ARHGAP42: variants seen among roughly 807,000 people sequenced by gnomAD.
ARHGAP42 encodes the protein rho GTPase-activating protein 42.
ARHGAP42 carries 63 observed loss-of-function variants against 125.0 expected under a neutral mutation model. The observed-to-expected ratio is 0.50, with a 90% CI of 0.41 to 0.62. The LOEUF (loss-of-function observed/expected upper bound fraction) is 0.62, where lower values mean the gene tolerates loss of function less well. ARHGAP42 is among the 20% of genes least tolerant of loss of function. The probability of loss-of-function intolerance (pLI) is 0.00; values close to 1 mark genes in which losing one functional copy is unlikely to be tolerated. For synonymous variants in ARHGAP42, 339 were observed against 351.0 expected, an observed-to-expected ratio of 0.97 and a Z score of 0.38; for missense variants, 766 against 1,024.2, an observed-to-expected ratio of 0.75 and a Z score of 3.44.
intron 21 of ARHGAP42, among the ~76,000 whole-genome samples, chr11:100,977,621 A>G (rs1858426399): frequency 6.6e-6 from 1 of 152,158 alleles, no homozygotes; most frequent in South Asian, 2.1e-4. Flanking sequence ...TCTCCCTTTC[A>G]TTTTGTTTTC....
intron 1 of ARHGAP42, among the ~76,000 whole-genome samples, chr11:100,742,014 A>AG (rs1862197871): frequency 6.6e-6 from 1 of 152,204 alleles, no homozygotes; most frequent in South Asian, 2.1e-4. Context: ...GGCAATAAAA[A>AG]GCCAAAGGCA....
chr11:100,892,689 A>G (rs917885039), intron 4 of ARHGAP42, among the ~76,000 whole-genome samples: 13 of 152,322 alleles, frequency 8.5e-5, no homozygotes, highest in Non-Finnish European at 1.3e-4. Flanking sequence ...GTCAGTAACC[A>G]TAATTTCCAA....
intron 6 of ARHGAP42, among the ~76,000 whole-genome samples, chr11:100,931,415 G>A (rs1041953376): frequency 6.6e-6 from 1 of 152,188 alleles, no homozygotes; most frequent in East Asian, 1.9e-4. Context: ...GAAAATATCA[G>A]TGTGTTTTGT....
In ARHGAP42 at chr11:100,705,035, AG is replaced by A. The variant is rs1258230207; in HGVS notation, c.154+17204del. Among the ~76,000 whole-genome samples the A allele has an allele frequency of 7.7e-3, 480 of 62,074 alleles. 1 individual carries two copies. Among genetic ancestry groups the A allele is most frequent in the African/African-American group, 0.03 (458 of 15,506 alleles). 40.7% of individuals were successfully genotyped at this position (62,074 alleles called of 152,430 possible). On this transcript the variant is annotated intron_variant, in intron 1 of 23. Transcript: ENST00000298815. ...CAACAAAAAAAAAAAAAAAAAAAAG[AG>A]AGAAGAAAAGAAAAAGAAAGACACT...
chr11:100,987,704 T>C (rs114855249), intron 23 of ARHGAP42, 112 bp downstream of exon 23: 14,078 of 962,090 alleles, frequency 0.015, 548 homozygotes, highest in African/African-American at 0.12. Flanking sequence ...TTATCCCATG[T>C]CCTGCCTCTC....
chr11:100,977,452 A>G (rs190389206), intron 21 of ARHGAP42, among the ~76,000 whole-genome samples: 13 of 152,314 alleles, frequency 8.5e-5, no homozygotes, highest in Non-Finnish European at 5.9e-5. Context: ...AGAATGAGGA[A>G]TATGCAAGGC....
chr11:100,709,561 A>G (rs1369056307), intron 1 of ARHGAP42, among the ~76,000 whole-genome samples: 2 of 151,946 alleles, frequency 1.3e-5, no homozygotes, highest in African/African-American at 4.9e-5. Context: ...AATATTTCAG[A>G]CCTCAGTTGA....
intron 10 of ARHGAP42, among the ~76,000 whole-genome samples, chr11:100,945,615 A>G (rs1867995559): frequency 6.6e-6 from 1 of 152,094 alleles, no homozygotes; most frequent in East Asian, 1.9e-4. Context: ...CTCCATTTAA[A>G]TCTCTATCAG....
rs367927714 is a variant in ARHGAP42 at position 100,974,827 on chromosome 11, G to A, written c.1855+224G>A. Among the ~76,000 whole-genome samples the A allele has an allele frequency of 1.5e-4, 23 of 152,128 alleles. 1 individual carries two copies. In the East Asian group the frequency reaches 3.9e-3, roughly 26 times the overall value. On this transcript the variant is annotated intron_variant, in intron 19 of 23. Coordinates refer to ENST00000298815, the MANE Select transcript of ARHGAP42 (RefSeq NM_152432.4). The stretch of plus-strand genomic sequence containing the variant: ...GGAAAAAAAGAAAAAAGGGCTCAAG[G>A]CCCTTTTTTCTGCAACTGTGATTAA...
chr11:100,866,976 T>C (rs1309124759), intron 4 of ARHGAP42, among the ~76,000 whole-genome samples: 1 of 152,168 alleles, frequency 6.6e-6, no homozygotes, highest in East Asian at 1.9e-4. Flanking sequence ...ATCAGGTAAA[T>C]TGGCAATGAG....
intron 11 of ARHGAP42, 123 bp from the exon 12 acceptor site, chr11:100,949,794 G>C: frequency 1.9e-6 from 1 of 513,648 alleles, no homozygotes; most frequent in Admixed American, 4.1e-5. Context: ...TGTGGACACA[G>C]CAGTTGTAGG....
chr11:100,851,091 A>G (rs1865194425), intron 3 of ARHGAP42, among the ~76,000 whole-genome samples: 1 of 151,888 alleles, frequency 6.6e-6, no homozygotes, highest in Non-Finnish European at 1.5e-5. Context: ...CATGTTGGCC[A>G]GGCTGGTCTT....
Position 100,974,477 on chromosome 11 carries a change from G to A in ARHGAP42, c.1729G>A (p.Asp577Asn). 1 of 1,549,562 alleles carries A rather than the reference G, an allele frequency of 6.5e-7. No individual in the cohort carries two copies. The highest frequency in any genetic ancestry group is 8.7e-7 in the Non-Finnish European group (1 of 1,146,526). ...HYEKIFHTAP[D>N]PSIPLPQPQS... is the part of the protein sequence containing the mutation. ...TACGTAGATTTTTCATACTGCTCCA[G>A]ACCCAAGCATTCCTCTTCCTCAGCC... The change falls in exon 19 of 24, where the codon GAC (aspartate) becomes AAC (asparagine). Residue 577 changes from aspartate to asparagine, a missense_variant. Transcript: ENST00000298815.
chr11:100,877,498 T>G (rs1865848600), intron 4 of ARHGAP42, among the ~76,000 whole-genome samples: 1 of 152,230 alleles, frequency 6.6e-6, no homozygotes, highest in Admixed American at 6.5e-5. Context: ...CAGTAGCATT[T>G]CATGCTTGTA....
chr11:100,977,431 C>G (rs1174740937), intron 21 of ARHGAP42, among the ~76,000 whole-genome samples: 1 of 152,118 alleles, frequency 6.6e-6, no homozygotes, highest in Non-Finnish European at 1.5e-5. Context: ...CTGATTTAAA[C>G]AAGCTAGTAG....
rs1280408358 is a variant in ARHGAP42, at chr11:100,962,421, A to T, written c.1398A>T (p.Glu466Asp). Residue 466 changes from glutamate to aspartate, a missense_variant, in exon 16 of 24, where the codon GAA (glutamate) becomes GAT (aspartate). Coordinates refer to ENST00000298815, the MANE Select transcript of ARHGAP42 (RefSeq NM_152432.4). ...TTCTCTGTTGTAGGTGCCTTGCAGA[A>T]CCACTGATGACTTACAAGTTGCACA... The part of the protein sequence containing the change: ...GLKNYLRCLA[E>D]PLMTYKLHKD... 23 of 1,551,016 alleles carry T rather than the reference A, an allele frequency of 1.5e-5. No homozygotes were observed. The highest frequency in any genetic ancestry group is 5.5e-5 in the African/African-American group (4 of 73,046).
intron 22 of ARHGAP42, 105 bp from the exon 23 acceptor site, chr11:100,987,408 T>C: frequency 3.3e-6 from 3 of 920,452 alleles, no homozygotes; most frequent in South Asian, 3.0e-5. Context: ...GTACATTATG[T>C]TCCAATTACA....
At chr11:100,703,733 C>T (rs1861434602) in intron 1 of ARHGAP42, among the ~76,000 whole-genome samples, 1 of 152,130 alleles carries the variant, frequency 6.6e-6, no homozygotes, top group Non-Finnish European at 1.5e-5. Context: ...TCTACTGGTG[C>T]TTTAGTTCTG....
At chr11:100,870,831 C>A (rs913449220) in intron 4 of ARHGAP42, among the ~76,000 whole-genome samples, 1 of 151,726 alleles carries the variant, frequency 6.6e-6, no homozygotes, top group South Asian at 2.1e-4. Context: ...GATAAAATGG[C>A]AACTGTCAGT....
Sources: allele counts gnomAD v4.1 joint callset (sites outside exome capture counted in the v4.1 genomes callset), GRCh38; gene constraint gnomAD v4.1.1; transcripts MANE v1.5; gene names NCBI Gene and HGNC (gene_info 2026-07-23, HGNC 2026-07-21).